The following PDE8B variants were observed in gnomAD, a reference collection of about 807,000 sequenced individuals.
PDE8B encodes the protein phosphodiesterase 8B, also known as high affinity cAMP-specific and IBMX-insensitive 3',5'-cyclic phosphodiesterase 8B.
Under a neutral mutation model 101.3 loss-of-function variants are expected in PDE8B, and 26 were observed. That is an observed-to-expected ratio of 0.26 (90% CI 0.19 to 0.36). PDE8B has a LOEUF of 0.36. Ranked by LOEUF, PDE8B falls within the 10% of genes least tolerant of loss-of-function variation. PDE8B has a pLI of 1.00. For synonymous variants in PDE8B, 424 were observed against 429.3 expected, an observed-to-expected ratio of 0.99 and a Z score of 0.15; for missense variants, 810 against 1,163.1, an observed-to-expected ratio of 0.70 and a Z score of 4.42.
In PDE8B at chr5:77,293,232, G is replaced by A. The variant is rs939594551; in HGVS notation, c.340-18762G>A. Among the ~76,000 whole-genome samples, 3 of 152,194 alleles carry A rather than the reference G, an allele frequency of 2.0e-5. No homozygotes were observed. In the South Asian group the frequency reaches 6.2e-4, roughly 32 times the overall value. ...TTATCTTTTTGTTGATCTCTCTGCT[G>A]GAAGCATACTATTTTGATAGTTGTA... On this transcript the variant is annotated intron_variant, in intron 1 of 21. Coordinates refer to ENST00000264917, the MANE Select transcript of PDE8B (RefSeq NM_003719.5).
At chr5:77,284,043 T>C (rs1408517904) in intron 1 of PDE8B, among the ~76,000 whole-genome samples, 1 of 152,222 alleles carries the variant, frequency 6.6e-6, no homozygotes, top group Admixed American at 6.5e-5. Flanking sequence ...TATACTGGTA[T>C]TTCATTGTTG....
rs1798295745 is a variant in PDE8B at position 77,427,176 on chromosome 5, T to C, written c.*622T>C. The C allele has an allele frequency of 6.5e-6, 1 of 154,150 alleles. No individual in the cohort carries two copies. The highest frequency in any genetic ancestry group is 2.4e-5 in the African/African-American group (1 of 41,458). 9.5% of individuals were successfully genotyped at this position (154,150 alleles called of 1,614,324 possible). ...ACCTAAGTTAGAACACAGCCTTGGC[T>C]GGTGGGTGCCCTCTCTAGACTGGTA... On this transcript the variant is annotated 3_prime_UTR_variant, in exon 22 of 22. Transcript: ENST00000264917.
At chr5:77,223,484 C>G (rs1751651044) in intron 1 of PDE8B, among the ~76,000 whole-genome samples, 1 of 149,056 alleles carries the variant, frequency 6.7e-6, no homozygotes, top group African/African-American at 2.5e-5. Flanking sequence ...ACCCACATCT[C>G]AAGTGCATAA....
chr5:77,277,531 T>A (rs1049890370), intron 1 of PDE8B, among the ~76,000 whole-genome samples: 103 of 152,224 alleles, frequency 6.8e-4, no homozygotes, highest in African/African-American at 2.4e-3. Flanking sequence ...TTGTTCCTCT[T>A]GACATGAAAA....
chr5:77,258,777 G>C (rs1330427949), intron 1 of PDE8B, among the ~76,000 whole-genome samples: 1 of 151,994 alleles, frequency 6.6e-6, no homozygotes, highest in African/African-American at 2.4e-5. Context: ...GTGCTCCTAC[G>C]CTTCCTTCAG....
chr5:77,411,417 AC>A (rs934129107), intron 14 of PDE8B, among the ~76,000 whole-genome samples: 1 of 152,154 alleles, frequency 6.6e-6, no homozygotes, highest in Non-Finnish European at 1.5e-5. Context: ...AACAGAGCCA[AC>A]CCACAGCTCA....
chr5:77,404,299 T>G (rs990540946), intron 11 of PDE8B, among the ~76,000 whole-genome samples: 3 of 152,004 alleles, frequency 2.0e-5, no homozygotes, highest in Middle Eastern at 3.4e-3. Context: ...TTTTATGTAT[T>G]TTTTTAGTAG....
At chr5:77,137,182 C>T in the PDE8B span, among the ~76,000 whole-genome samples, 1 of 152,182 alleles carries the variant, frequency 6.6e-6, no homozygotes, top group Non-Finnish European at 1.5e-5. Flanking sequence ...GAGATAAGGT[C>T]TTTTCTCCAT....
intron 10 of PDE8B, among the ~76,000 whole-genome samples, chr5:77,370,775 A>G (rs866476778): frequency 6.6e-6 from 1 of 152,230 alleles, no homozygotes. Context: ...ATCGCCAAGA[A>G]CAATGTATGA....
chr5:77,338,441 A>G (rs6864358), intron 6 of PDE8B, among the ~76,000 whole-genome samples: 72,009 of 152,006 alleles, frequency 0.47, 17,485 homozygotes, highest in African/African-American at 0.56. Context: ...AAAGTATTAA[A>G]AAAAGAATCT....
intron 2 of PDE8B, among the ~76,000 whole-genome samples, chr5:77,314,307 G>A (rs1416427686): frequency 6.6e-6 from 1 of 152,058 alleles, no homozygotes; most frequent in Admixed American, 6.6e-5. Flanking sequence ...AAGTTTTGAA[G>A]TTGTGAAGTG....
chr5:77,301,814 A>G (rs1357770993), intron 1 of PDE8B, among the ~76,000 whole-genome samples: 2 of 152,218 alleles, frequency 1.3e-5, no homozygotes, highest in Admixed American at 6.5e-5. Flanking sequence ...TGAAAGCTTG[A>G]TGCCTTGATT....
intron 1 of PDE8B, among the ~76,000 whole-genome samples, chr5:77,302,293 C>T (rs1035244269): frequency 2.0e-5 from 3 of 152,138 alleles, no homozygotes; most frequent in African/African-American, 4.8e-5. Flanking sequence ...ATGTAGCATC[C>T]CCCCTCCACT....
At chr5:77,367,795 C>T (rs992563412) in intron 10 of PDE8B, among the ~76,000 whole-genome samples, 2 of 152,204 alleles carry the variant, frequency 1.3e-5, no homozygotes, top group Non-Finnish European at 1.5e-5. Flanking sequence ...TCCCAAAGTG[C>T]TGAGATTACA....
chr5:77,248,200 A>G (rs1254868495), intron 1 of PDE8B, among the ~76,000 whole-genome samples: 1 of 152,238 alleles, frequency 6.6e-6, no homozygotes, highest in African/African-American at 2.4e-5. Flanking sequence ...CTGGACTGCA[A>G]GCTCGATGAG....
chr5:77,249,392 T>C (rs1242725859), intron 1 of PDE8B, among the ~76,000 whole-genome samples: 1 of 152,244 alleles, frequency 6.6e-6, no homozygotes, highest in African/African-American at 2.4e-5. Context: ...TAAAGCCACA[T>C]AGCTTCTAAG....
rs1798362841 is a variant in PDE8B at position 77,427,511 on chromosome 5, T to A, written c.*957T>A. The A allele has an allele frequency of 1.3e-5, 2 of 152,184 alleles. No homozygotes were observed. The highest frequency in any genetic ancestry group is 6.6e-5 in the Admixed American group (1 of 15,262). 9.4% of individuals were successfully genotyped at this position (152,184 alleles called of 1,614,324 possible). On this transcript the variant is annotated 3_prime_UTR_variant, in exon 22 of 22. Coordinates refer to ENST00000264917, the MANE Select transcript of PDE8B (RefSeq NM_003719.5). ...TGTGCCATGCACCATCTATACGTAA[T>A]ATTTTGGGAGGGGATAGGGGAAGTT...
At chr5:77,123,894 A>C in the PDE8B span, among the ~76,000 whole-genome samples, 2 of 152,226 alleles carry the variant, frequency 1.3e-5, no homozygotes, top group African/African-American at 4.8e-5. Context: ...AGAGCTGGGA[A>C]TCATTTGAGT....
intron 17 of PDE8B, among the ~76,000 whole-genome samples, chr5:77,417,942 A>C (rs568711443): frequency 2.8e-4 from 42 of 152,182 alleles, no homozygotes; most frequent in African/African-American, 9.7e-4. Flanking sequence ...TACAGTGGGC[A>C]ATTCAAAAGG....
Sources: allele counts gnomAD v4.1 joint callset (sites outside exome capture counted in the v4.1 genomes callset), GRCh38; gene constraint gnomAD v4.1.1; transcripts MANE v1.5; gene names NCBI Gene and HGNC (gene_info 2026-07-23, HGNC 2026-07-21).